HPD: variants seen among roughly 807,000 people sequenced by gnomAD.
HPD encodes the protein 4-hydroxyphenylpyruvic acid oxidase.
HPD carries 35 observed loss-of-function variants against 56.9 expected under a neutral mutation model. The ratio of observed to expected loss-of-function variants is 0.62; its 90% CI spans 0.47 to 0.82. The LOEUF is 0.82. Ranked by LOEUF, HPD falls within the 40% of genes least tolerant of loss-of-function variation. HPD has a pLI of 0.00. For synonymous variants in HPD, 186 were observed against 200.2 expected, an observed-to-expected ratio of 0.93 and a Z score of 0.60; for missense variants, 442 against 506.8, an observed-to-expected ratio of 0.87 and a Z score of 1.23.
intron 4 of HPD, 45 bp from the exon 5 acceptor site, chr12:121,856,670 C>G (rs770478403): frequency 6.3e-7 from 1 of 1,591,842 alleles, no homozygotes; most frequent in Non-Finnish European, 8.6e-7. Flanking sequence ...CTCAGGGGGG[C>G]ATGGGGAGGT....
chr12:121,878,201 TTTTC>T, the HPD span, among the ~76,000 whole-genome samples: 4 of 152,212 alleles, frequency 2.6e-5, no homozygotes, highest in Non-Finnish European at 4.4e-5. Context: ...GGTTTTAAAT[TTTTC>T]TTTATGATTT....
chr12:121,847,263 G>C lies in HPD; in HGVS notation c.597-49C>G, dbSNP rs78792777. 1,840 of 1,579,394 alleles carry C rather than the reference G, an allele frequency of 1.2e-3. 33 individuals carry two copies. In the East Asian group the frequency reaches 0.037, roughly 32 times the overall value. ...ATATGCTCTGAGCGCCTCCAGGGAC[G>C]GCCTCCATCACCCATTTCCACCTTC... On this transcript the variant is annotated intron_variant, in intron 9 of 13. Transcript: ENST00000289004.
chr12:121,857,316 G>A lies in HPD; in HGVS notation c.198+12C>T. 1 of 1,568,150 alleles carries A rather than the reference G, an allele frequency of 6.4e-7. No individual in the cohort carries two copies. Among genetic ancestry groups the A allele is most frequent in the South Asian group, 1.1e-5 (1 of 90,242 alleles). Reference sequence around the variant, plus strand: ...GCAGGGGTTGGGGGCTGTCCTGGGGGTGGTGACTCACCTTCCCTTGTTTGA... The same window carrying A: ...GCAGGGGTTGGGGGCTGTCCTGGGGATGGTGACTCACCTTCCCTTGTTTGA... On this transcript the variant is annotated intron_variant, in intron 4 of 13. Coordinates refer to ENST00000289004, the MANE Select transcript of HPD (RefSeq NM_002150.3).
upstream of HPD, among the ~76,000 whole-genome samples, chr12:121,865,037 G>T (rs1379693964): frequency 6.6e-6 from 1 of 151,844 alleles, no homozygotes; most frequent in African/African-American, 2.4e-5. Context: ...GGAGGCTGAG[G>T]TGGGTGGATC....
At chr12:121,851,876 C>A (rs75670180) in intron 7 of HPD, among the ~76,000 whole-genome samples, 10 of 29,660 alleles carry the variant, frequency 3.4e-4, no homozygotes, top group African/African-American at 1.3e-3. Context: ...CGCCCGGCTA[C>A]TTTTTTGTAT....
intron 12 of HPD, among the ~76,000 whole-genome samples, chr12:121,841,241 C>A (rs1008988336): frequency 6.7e-6 from 1 of 149,844 alleles, no homozygotes; most frequent in Admixed American, 6.6e-5. Context: ...TGGTGGCGGG[C>A]GCCTATAATC....
chr12:121,879,505 T>C, the HPD span, among the ~76,000 whole-genome samples: 1 of 10,786 alleles, frequency 9.3e-5, no homozygotes, highest in Non-Finnish European at 2.3e-4. Context: ...CTCTTCTCTT[T>C]TTTCTTTTCT....
chr12:121,875,427 C>CTTTTTTTTTTTTTTTT, the HPD span, among the ~76,000 whole-genome samples: 1 of 134,762 alleles, frequency 7.4e-6, no homozygotes, highest in African/African-American at 2.8e-5. Context: ...TTCTTTCTTT[C>CTTTTTTTTTTTTTTTT]TTTTTTTTTT....
At chr12:121,857,849 G>T in intron 2 of HPD, 30 bp from the exon 3 acceptor site, 2 of 1,577,610 alleles carry the variant, frequency 1.3e-6, no homozygotes, top group South Asian at 1.1e-5. Flanking sequence ...GTGAGGTTGA[G>T]TCCCTGAAAG....
intron 11 of HPD, among the ~76,000 whole-genome samples, chr12:121,845,517 C>T (rs970919776): frequency 6.7e-5 from 10 of 148,202 alleles, no homozygotes; most frequent in East Asian, 4.0e-4. Context: ...AGGAGAATGG[C>T]GTGAACCCAG....
intron 12 of HPD, among the ~76,000 whole-genome samples, chr12:121,840,354 G>A (rs1220157815): frequency 2.0e-5 from 3 of 152,142 alleles, no homozygotes; most frequent in African/African-American, 7.2e-5. Flanking sequence ...AGGCTGGAGT[G>A]CGGTGGCGCA....
intron 4 of HPD, 79 bp downstream of exon 4, chr12:121,857,249 T>C: frequency 1.0e-6 from 1 of 966,916 alleles, no homozygotes; most frequent in Non-Finnish European, 1.7e-6. Flanking sequence ...CCAGCTAATT[T>C]TTCTATTTTT....
chr12:121,867,757 G>A (rs997210275), upstream of HPD, among the ~76,000 whole-genome samples: 10 of 152,016 alleles, frequency 6.6e-5, no homozygotes, highest in East Asian at 5.8e-4. Flanking sequence ...CAAGTGGTCC[G>A]CCTGCCTCGG....
chr12:121,856,714 A>C, intron 4 of HPD, 89 bp from the exon 5 acceptor site: 1 of 1,208,936 alleles, frequency 8.3e-7, no homozygotes, highest in South Asian at 1.2e-5. Flanking sequence ...GACCCGAAAC[A>C]CCCCTGATGG....
the HPD span, among the ~76,000 whole-genome samples, chr12:121,880,951 C>A: frequency 6.6e-6 from 1 of 152,160 alleles, no homozygotes; most frequent in African/African-American, 2.4e-5. Flanking sequence ...TGTCCCACCA[C>A]GCCAGGCTAA....
chr12:121,845,759 C>T (rs1303736005), intron 11 of HPD, among the ~76,000 whole-genome samples: 3 of 152,134 alleles, frequency 2.0e-5, no homozygotes, highest in Non-Finnish European at 2.9e-5. Flanking sequence ...CAATTCCCTG[C>T]TTTACTTTCT....
chr12:121,841,495 A>G (rs994693513), intron 12 of HPD, among the ~76,000 whole-genome samples: 5 of 152,224 alleles, frequency 3.3e-5, no homozygotes, highest in African/African-American at 1.2e-4. Context: ...CATTACGTAT[A>G]ACACCCCAAA....
At position 121,843,732 on chromosome 12, in the gene HPD, T is replaced by G. The variant is rs775570082; in HGVS notation, c.932A>C (p.Lys311Thr). 2 of 1,614,014 alleles carry G rather than the reference T, an allele frequency of 1.2e-6. No homozygotes were observed. The highest frequency in any genetic ancestry group is 2.7e-5 in the African/African-American group (2 of 74,914). The part of the protein sequence containing the change: ...EKLKTAKIKV[K>T]ENIDALEELK... ...CACCTCCAGGGCATCAATGTTCTCC[T>G]TCACCTTGATCTTGGCCGTCTTCAG... The change falls in exon 12 of 14, where the codon AAG (lysine) becomes ACG (threonine). Residue 311 changes from lysine to threonine, a missense_variant. Transcript: ENST00000289004.
intron 7 of HPD, among the ~76,000 whole-genome samples, chr12:121,854,212 C>T (rs1877911131): frequency 6.6e-6 from 1 of 151,934 alleles, no homozygotes; most frequent in African/African-American, 2.4e-5. Flanking sequence ...GCCAAGATCA[C>T]ACCACTACAC....
Sources: allele counts gnomAD v4.1 joint callset (sites outside exome capture counted in the v4.1 genomes callset), GRCh38; gene constraint gnomAD v4.1.1; transcripts MANE v1.5; gene names NCBI Gene and HGNC (gene_info 2026-07-23, HGNC 2026-07-21).